The following PPP6R1 variants were observed in gnomAD, a reference collection of about 807,000 sequenced individuals.
PPP6R1 encodes serine/threonine-protein phosphatase 6 regulatory subunit 1.
A neutral mutation model predicts 104.6 loss-of-function variants in PPP6R1; 39 were observed. The ratio of observed to expected loss-of-function variants is 0.37; its 90% confidence interval spans 0.29 to 0.49. The LOEUF is 0.49. Among genes scored for constraint, PPP6R1 ranks in the 20% least tolerant of loss-of-function variants. The pLI is 0.98. For missense variants in PPP6R1, 1,181 were observed against 1,155.8 expected (o/e 1.02, Z -0.32); for synonymous variants, 549 against 479.0 (o/e 1.15, Z -1.91).
chr19:55,228,227 C>T, downstream of PPP6R1: 1 of 1,612,002 alleles, frequency 6.2e-7, no homozygotes, highest in Non-Finnish European at 8.5e-7. Flanking sequence ...AGGCAAGCGT[C>T]CCCCACAGCC....
At chr19:55,248,799 C>A (rs535577936) in intron 1 of PPP6R1, among the ~76,000 whole-genome samples, 3 of 152,206 alleles carry the variant, frequency 2.0e-5, no homozygotes, top group African/African-American at 7.2e-5. Flanking sequence ...GCTGACAAAA[C>A]GCAGGACAGA....
chr19:55,246,842 A>G, intron 2 of PPP6R1, 35 bp downstream of exon 2: 1 of 1,505,864 alleles, frequency 6.6e-7, no homozygotes, highest in South Asian at 1.3e-5. Context: ...TGTGATGCTG[A>G]TAGGGACGGG....
chr19:55,245,701 T>C lies in PPP6R1; in HGVS notation c.228-23A>G. The C allele has an allele frequency of 7.1e-7, 1 of 1,409,834 alleles. No homozygotes were observed. The highest frequency in any genetic ancestry group is 1.2e-5 in the South Asian group (1 of 85,428). The allele number at this position is 1,409,834 out of a possible 1,614,324, so 87.3% of individuals were successfully genotyped here. On this transcript the variant is annotated intron_variant, in intron 2 of 23. Transcript: ENST00000412770. The surrounding 1 kb of genome is among the most constrained non-coding windows in gnomAD (Gnocchi z 6.4). ...TACCTGGGAGGCAAGCACAGGCGGGTGGGGGCTCGGGTCGGAGGCCGGGGG... is the reference window on the plus strand; with the variant it reads ...TACCTGGGAGGCAAGCACAGGCGGGCGGGGGCTCGGGTCGGAGGCCGGGGG...
chr19:55,251,488 T>C (rs370078564), intron 1 of PPP6R1, among the ~76,000 whole-genome samples: 1 of 151,852 alleles, frequency 6.6e-6, no homozygotes, highest in African/African-American at 2.4e-5. Flanking sequence ...AATCAGGAGG[T>C]GGGGGAAAGT....
intron 15 of PPP6R1, among the ~76,000 whole-genome samples, chr19:55,237,788 T>C (rs1362364289): frequency 1.3e-5 from 2 of 152,234 alleles, no homozygotes; most frequent in Non-Finnish European, 2.9e-5. Flanking sequence ...GGGCAGCCCA[T>C]GTCCCCGTGG....
At position 55,230,861 on chromosome 19, in the gene PPP6R1, G is replaced by A. The variant is rs1357779188; in HGVS notation, c.2483C>T (p.Ser828Phe). The A allele has an allele frequency of 1.2e-5, 20 of 1,607,096 alleles. No individual in the cohort carries two copies. Among genetic ancestry groups the A allele is most frequent in the Non-Finnish European group, 1.2e-5 (14 of 1,179,458 alleles). The change falls in exon 22 of 24, where the codon TCT (serine) becomes TTT (phenylalanine). Residue 828 changes from serine to phenylalanine, a missense_variant. Transcript: ENST00000412770. ...CTGGTGGGCCCCGGAGGCTGGGACA[G>A]AGGTAGAGGGGTCTCTGGTTGCACT... Reference protein sequence around the residue: ...SDSATRDPSTSVPASGAHQPP... With the variant: ...SDSATRDPSTFVPASGAHQPP...
intron 21 of PPP6R1, 147 bp downstream of exon 21, chr19:55,231,263 G>A: frequency 9.9e-7 from 1 of 1,008,304 alleles, no homozygotes; most frequent in South Asian, 1.4e-5. Context: ...CAGAGTGCAA[G>A]GGGCTGGGGC....
rs1272242472 is a variant in PPP6R1, at chr19:55,232,139, A to G, written c.2061T>C (p.Ile687=). The change falls in exon 18 of 24, where the codon ATT becomes ATC. Residue 687 remains isoleucine, a synonymous_variant. Coordinates refer to ENST00000412770, the MANE Select transcript of PPP6R1 (RefSeq NM_014931.4). The part of the protein sequence containing the change: ...DEEEEEDEEG[I]GCAARGGATP... The stretch of plus-strand genomic sequence containing the variant: ...TGGCCCCTCCACGGGCTGCACAGCC[A>G]ATGCCCTCCTCGTCTTCCTCCTCCT... 1.9e-6 allele frequency: 3 copies of G among 1,591,560 alleles called. No individual in the cohort carries two copies. The highest frequency in any genetic ancestry group is 1.1e-5 in the South Asian group (1 of 87,726).
chr19:55,235,058 T>G (rs1337292157), intron 17 of PPP6R1, among the ~76,000 whole-genome samples: 1 of 152,118 alleles, frequency 6.6e-6, no homozygotes, highest in Non-Finnish European at 1.5e-5. Flanking sequence ...GCATGTTACA[T>G]GTCAATAAAA....
rs756198850 is a variant in PPP6R1, at chr19:55,231,835, G to C, written c.2273C>G (p.Ala758Gly). 6 of 1,503,358 alleles carry C rather than the reference G, an allele frequency of 4.0e-6. No individual in the cohort carries two copies. In the Admixed American group the frequency reaches 7.1e-5, roughly 18 times the overall value. The allele number at this position is 1,503,358 out of a possible 1,614,324, so 93.1% of individuals were successfully genotyped here. The change falls in exon 19 of 24, where the codon GCC (alanine) becomes GGC (glycine). Residue 758 changes from alanine (A) to glycine (G), a missense_variant. Transcript: ENST00000412770. ...VPQGLPTQSL[A>G]SPPARDALQL... is the part of the protein sequence containing the mutation. Reference sequence around the variant, plus strand: ...CAGGGCGTCACGGGCAGGAGGGCTGGCCAGGCTCTGAGTGGGGAGGCCCTG... The same window carrying C: ...CAGGGCGTCACGGGCAGGAGGGCTGCCCAGGCTCTGAGTGGGGAGGCCCTG...
chr19:55,251,810 A>T (rs1600117267), intron 1 of PPP6R1, among the ~76,000 whole-genome samples: 1 of 152,314 alleles, frequency 6.6e-6, no homozygotes. Flanking sequence ...GGGAGGGGGA[A>T]TGGATTTCCT....
At chr19:55,232,277 C>CT (rs935415803) in intron 17 of PPP6R1, 66 bp from the exon 18 acceptor site, 1 of 1,479,828 alleles carries the variant, frequency 6.8e-7, no homozygotes, top group African/African-American at 1.4e-5. Flanking sequence ...ATCCTGTTCC[C>CT]TGCAGCCCAG....
chr19:55,239,313 C>T, intron 15 of PPP6R1, 92 bp downstream of exon 15: 1 of 1,279,378 alleles, frequency 7.8e-7, no homozygotes, highest in Non-Finnish European at 1.1e-6. Context: ...GCCCACAGGG[C>T]ATGTAGGTGC....
chr19:55,256,410 C>G (rs1171919134), intron 1 of PPP6R1, among the ~76,000 whole-genome samples: 1 of 152,268 alleles, frequency 6.6e-6, no homozygotes, highest in East Asian at 1.9e-4. Context: ...GCATTCCCCC[C>G]AGTTGTAACA....
intron 22 of PPP6R1, 42 bp downstream of exon 22, chr19:55,230,732 A>AGCCCCCCC: frequency 1.4e-6 from 2 of 1,420,044 alleles, no homozygotes; most frequent in Non-Finnish European, 9.5e-7. Context: ...CTGCCCCACC[A>AGCCCCCCC]GCCCCACCCC....
chr19:55,239,160 C>T lies in PPP6R1; in HGVS notation c.1751+245G>A, dbSNP rs2087425405. On this transcript the variant is annotated intron_variant, in intron 15 of 23. Transcript: ENST00000412770. ...GTCCCCAGCACAGAAGATGTTTGTGCCCCACCCTCATGGCCTGCCTCTCGG... is the reference window on the plus strand; with the variant it reads ...GTCCCCAGCACAGAAGATGTTTGTGTCCCACCCTCATGGCCTGCCTCTCGG... 32 of 525,568 alleles carry T rather than the reference C, an allele frequency of 6.1e-5. 1 individual carries two copies. In the South Asian group the frequency reaches 6.5e-4, roughly 11 times the overall value. 32.6% of individuals were successfully genotyped at this position (525,568 alleles called of 1,614,324 possible).
At chr19:55,248,766 C>T (rs1422058992) in intron 1 of PPP6R1, among the ~76,000 whole-genome samples, 1 of 152,334 alleles carries the variant, frequency 6.6e-6, no homozygotes, top group East Asian at 1.9e-4. Flanking sequence ...GAGACTTCAT[C>T]GGAGCTTAGG....
In PPP6R1 at chr19:55,230,869, G is replaced by A; in HGVS notation, c.2475C>T (p.Pro825=). 1 of 1,606,952 alleles carries A rather than the reference G, an allele frequency of 6.2e-7. No homozygotes were observed. ...PSSSDSATRD[P]STSVPASGAH... is the part of the protein sequence containing the mutation. Reference sequence around the variant, plus strand: ...CCCCGGAGGCTGGGACAGAGGTAGAGGGGTCTCTGGTTGCACTGTGGGTGA... The same window carrying A: ...CCCCGGAGGCTGGGACAGAGGTAGAAGGGTCTCTGGTTGCACTGTGGGTGA... Residue 825 remains proline (P), a synonymous_variant, in exon 22 of 24, where the codon CCC becomes CCT. Transcript: ENST00000412770.
chr19:55,234,052 C>A (rs578011383), intron 17 of PPP6R1, among the ~76,000 whole-genome samples: 1 of 152,140 alleles, frequency 6.6e-6, no homozygotes, highest in African/African-American at 2.4e-5. Flanking sequence ...CAGGTTCAAG[C>A]GATATTCCTG....
Sources: allele counts gnomAD v4.1 joint callset (sites outside exome capture counted in the v4.1 genomes callset), GRCh38; gene constraint gnomAD v4.1.1; non-coding constraint Gnocchi (gnomAD v3.1); transcripts MANE v1.5; gene names NCBI Gene and HGNC (gene_info 2026-07-23, HGNC 2026-07-21).